Variants in PKNOX2 observed in about 807,000 individuals in gnomAD.
The protein encoded by PKNOX2 is homeobox protein PKNOX2.
A neutral mutation model predicts 53.1 loss-of-function variants in PKNOX2; 14 were observed. The observed-to-expected ratio is 0.26, with a 90% CI of 0.17 to 0.41. The LOEUF is 0.41. PKNOX2 is among the 10% of genes least tolerant of loss of function. The pLI, the probability that PKNOX2 is intolerant of heterozygous loss-of-function variation, is 1.00. For synonymous variants in PKNOX2, 257 were observed against 242.8 expected (o/e 1.06, Z -0.54); for missense variants, 496 against 602.8 (o/e 0.82, Z 1.85).
rs56327999 is a variant in PKNOX2, at chr11:125,423,043, TACAC to T, written c.937-5953_937-5950del. On this transcript the variant is annotated intron_variant, in intron 10 of 12. Transcript: ENST00000298282. ...ATTTACTGATACTGATCAGTTTAGC[TACAC>T]ACACACACACACACATATGTATACA... is the stretch of plus-strand genomic sequence containing the variant. Among the ~76,000 whole-genome samples the T allele has an allele frequency of 9.9e-3, 1,487 of 150,166 alleles. 17 individuals carry two copies. Among genetic ancestry groups the T allele is most frequent in the African/African-American group, 0.033 (1,347 of 40,938 alleles).
At chr11:125,398,658 G>A (rs1220123615) in intron 7 of PKNOX2, among the ~76,000 whole-genome samples, 2 of 152,150 alleles carry the variant, frequency 1.3e-5, no homozygotes, top group Non-Finnish European at 2.9e-5. Flanking sequence ...TCCTTCCTGA[G>A]ACCTGGGAAA....
chr11:125,324,568 C>A (rs1949725088), intron 2 of PKNOX2, among the ~76,000 whole-genome samples: 1 of 152,128 alleles, frequency 6.6e-6, no homozygotes, highest in Admixed American at 6.6e-5. Flanking sequence ...CACAATGTGG[C>A]TGGCTAAGTG....
chr11:125,278,347 G>A (rs150258566), intron 2 of PKNOX2, among the ~76,000 whole-genome samples: 8 of 152,168 alleles, frequency 5.3e-5, no homozygotes, highest in Non-Finnish European at 1.0e-4. Flanking sequence ...ACAGGTCCTC[G>A]TAGGGAAGTC....
intron 2 of PKNOX2, among the ~76,000 whole-genome samples, chr11:125,328,552 G>T (rs1455930571): frequency 1.3e-5 from 2 of 152,086 alleles, no homozygotes; most frequent in Non-Finnish European, 2.9e-5. Context: ...CCAAAGAACA[G>T]ATCTGTCATT....
intron 1 of PKNOX2, among the ~76,000 whole-genome samples, chr11:125,180,605 T>A (rs1262290844): frequency 6.6e-6 from 1 of 152,160 alleles, no homozygotes; most frequent in East Asian, 1.9e-4. Context: ...GGAGCCAGAA[T>A]GAGAACCAAA....
At chr11:125,405,554 TC>T (rs1364449655) in intron 7 of PKNOX2, among the ~76,000 whole-genome samples, 7 of 152,176 alleles carry the variant, frequency 4.6e-5, no homozygotes, top group Non-Finnish European at 8.8e-5. Flanking sequence ...AGTAAGGCCT[TC>T]CTTTGGAACA....
chr11:125,174,221 G>T (rs1955534596), intron 1 of PKNOX2, among the ~76,000 whole-genome samples: 1 of 152,156 alleles, frequency 6.6e-6, no homozygotes, highest in Admixed American at 6.5e-5. Context: ...GGGGCGACAG[G>T]TGCTTGTTCT....
At chr11:125,237,824 T>C (rs910286893) in intron 2 of PKNOX2, among the ~76,000 whole-genome samples, 13 of 152,310 alleles carry the variant, frequency 8.5e-5, no homozygotes, top group African/African-American at 3.1e-4. Context: ...AGTCCTAGAC[T>C]GTGAGCCAGG....
At chr11:125,210,545 G>A (rs1939712386) in intron 1 of PKNOX2, among the ~76,000 whole-genome samples, 1 of 152,190 alleles carries the variant, frequency 6.6e-6, no homozygotes, top group Non-Finnish European at 1.5e-5. Flanking sequence ...AAGATGTGAA[G>A]AAGGTGCTCC....
At chr11:125,236,025 T>C (rs914371896) in intron 2 of PKNOX2, among the ~76,000 whole-genome samples, 2 of 152,220 alleles carry the variant, frequency 1.3e-5, no homozygotes, top group Non-Finnish European at 2.9e-5. Flanking sequence ...GCGACTTTGA[T>C]AGTACGTTGG....
At chr11:125,245,666 G>C (rs1322281349) in intron 2 of PKNOX2, among the ~76,000 whole-genome samples, 1 of 152,348 alleles carries the variant, frequency 6.6e-6, no homozygotes. Context: ...GTAAGCTCAG[G>C]CTGCTGCTGA....
At chr11:125,314,257 T>A (rs1949008440) in intron 2 of PKNOX2, among the ~76,000 whole-genome samples, 2 of 152,044 alleles carry the variant, frequency 1.3e-5, no homozygotes, top group Non-Finnish European at 2.9e-5. Context: ...ATTTCAGTGA[T>A]CTCAGAGCAC....
chr11:125,376,352 T>C (rs1449543078), intron 5 of PKNOX2, among the ~76,000 whole-genome samples: 1 of 152,048 alleles, frequency 6.6e-6, no homozygotes, highest in Non-Finnish European at 1.5e-5. Context: ...GAAGTAAAAA[T>C]ACATCCAACC....
intron 2 of PKNOX2, among the ~76,000 whole-genome samples, chr11:125,308,102 A>G (rs1331336435): frequency 1.3e-5 from 2 of 152,236 alleles, no homozygotes; most frequent in Non-Finnish European, 2.9e-5. Context: ...TAATTTGTGC[A>G]GTATCAGCTG....
chr11:125,426,484 C>T (rs11220068), intron 10 of PKNOX2, among the ~76,000 whole-genome samples: 12,647 of 152,330 alleles, frequency 0.083, 579 homozygotes, highest in African/African-American at 0.11. Flanking sequence ...GGTGAACCAG[C>T]ACAGCCAGCA....
chr11:125,174,227 G>C (rs959631988), intron 1 of PKNOX2, among the ~76,000 whole-genome samples: 2 of 152,140 alleles, frequency 1.3e-5, no homozygotes, highest in Non-Finnish European at 2.9e-5. Context: ...ACAGGTGCTT[G>C]TTCTCATTCT....
intron 1 of PKNOX2, among the ~76,000 whole-genome samples, chr11:125,222,605 CTGTGTGTATGTGTGTGTATGTG>C (rs1198052063): frequency 7.1e-6 from 1 of 140,676 alleles, no homozygotes; most frequent in Non-Finnish European, 1.5e-5. Flanking sequence ...GTGTGTGTGT[CTGTGTGTATGTGTGTGTATGTG>C]TGTGTGTATG....
At chr11:125,179,351 C>A (rs1362957372) in intron 1 of PKNOX2, among the ~76,000 whole-genome samples, 3 of 152,142 alleles carry the variant, frequency 2.0e-5, no homozygotes, top group African/African-American at 7.2e-5. Context: ...AAGAGCCTAA[C>A]ACTGTGGGAG....
At chr11:125,335,021 G>GGT (rs919565129) in intron 3 of PKNOX2, among the ~76,000 whole-genome samples, 4 of 152,146 alleles carry the variant, frequency 2.6e-5, no homozygotes, top group Non-Finnish European at 4.4e-5. Flanking sequence ...CACAATGTCT[G>GGT]GTGCATCAGA....
Sources: allele counts gnomAD v4.1 joint callset (sites outside exome capture counted in the v4.1 genomes callset), GRCh38; gene constraint gnomAD v4.1.1; transcripts MANE v1.5; gene names NCBI Gene and HGNC (gene_info 2026-07-23, HGNC 2026-07-21).